The following ZNF195 variants were observed in gnomAD, a reference collection of about 807,000 sequenced individuals.
The protein encoded by ZNF195 is zinc finger protein 195, also known as hypoxia-regulated factor-1.
In ZNF195, 11 loss-of-function variants were observed where a neutral mutation model predicts 19.5. That is an observed-to-expected ratio of 0.57 (90% confidence interval 0.36 to 0.94). The LOEUF (loss-of-function observed/expected upper bound fraction) is 0.94, where lower values mean the gene tolerates loss of function less well. Ranked by LOEUF, ZNF195 falls within the 40% of genes least tolerant of loss-of-function variation. ZNF195 has a pLI of 0.01. For synonymous variants in ZNF195, 214 were observed against 248.1 expected (o/e 0.86, Z 1.29); for missense variants, 582 against 709.0 (o/e 0.82, Z 2.03).
rs748212570 is a variant in ZNF195 at position 3,360,107 on chromosome 11, T to G, written c.901A>C (p.Lys301Gln). The change falls in exon 6 of 6, where the codon AAG becomes CAG. Residue 301 changes from lysine (K) to glutamine (Q), a missense_variant. Physicochemically the swap from Lys to Gln is moderately conservative, Grantham distance 53. Around this residue, in one of 3 missense-constraint regions of ZNF195, gnomAD observed 407 missense variants for 530.5 expected, o/e 0.77. Transcript: ENST00000399602. Reference protein sequence around the residue: ...ENIDTGEKPYKCQECNNVIKT... With the variant: ...ENIDTGEKPYQCQECNNVIKT... ...ATGACGTTGTTACATTCTTGACACT[T>G]GTAAGGTTTCTCTCCAGTGTCAATG... 2 of 1,614,148 alleles carry G rather than the reference T, an allele frequency of 1.2e-6. No homozygotes were observed. The highest frequency in any genetic ancestry group is 1.7e-6 in the Non-Finnish European group (2 of 1,180,028).
At chr11:3,370,885 G>C in intron 3 of ZNF195, 90 bp downstream of exon 3, 2 of 1,323,436 alleles carry the variant, frequency 1.5e-6, no homozygotes, top group Admixed American at 1.7e-5. Context: ...CACTAGGGCA[G>C]AGCTTCTCAA....
chr11:3,370,668 C>A (rs1443010734), intron 3 of ZNF195, among the ~76,000 whole-genome samples: 1 of 152,230 alleles, frequency 6.6e-6, no homozygotes, highest in Non-Finnish European at 1.5e-5. Context: ...CAGGTACAGG[C>A]ATGTTCCCAA....
At chr11:3,371,434 A>G in intron 2 of ZNF195, 143 bp downstream of exon 2, 1 of 1,080,362 alleles carries the variant, frequency 9.3e-7, no homozygotes, top group South Asian at 1.7e-5. Context: ...TTTTTTTTAC[A>G]TCAACTATTC....
chr11:3,358,942 G>T lies in ZNF195; in HGVS notation c.*176C>A, dbSNP rs997907866. ...TGCAAGTCTTCCATCTAGTATAATT[G>T]TAACATTTTTTTCAGAAGAAATACT... On this transcript the variant is annotated 3_prime_UTR_variant, in exon 6 of 6. Coordinates refer to ENST00000399602, the MANE Select transcript of ZNF195 (RefSeq NM_001130520.3). 5.7e-6 allele frequency: 5 copies of T among 882,840 alleles called. No individual in the cohort carries two copies. The highest frequency in any genetic ancestry group is 7.6e-6 in the Non-Finnish European group (5 of 656,958). The allele number at this position is 882,840 out of a possible 1,614,324, so 54.7% of individuals were successfully genotyped here.
chr11:3,373,706 T>C (rs988789197), intron 1 of ZNF195: 14 of 1,347,922 alleles, frequency 1.0e-5, no homozygotes, highest in Non-Finnish European at 1.3e-5. Flanking sequence ...CCCCTTCACC[T>C]GCTACCACCA....
rs577646179 is a variant in ZNF195 at position 3,378,976 on chromosome 11, C to T, written c.3+62G>A. 1.9e-4 allele frequency: 255 copies of T among 1,361,098 alleles called. 2 individuals carry two copies. The African/African-American group carries it at 3.4e-3, about 18-fold the overall frequency. The allele number at this position is 1,361,098 out of a possible 1,614,324, so 84.3% of individuals were successfully genotyped here. ...CCGGGCAGCCCGGTTCCTCCCGAGCCGGTACCGCGGGTTCCAGTCCGCCCC... is the reference window on the plus strand; with the variant it reads ...CCGGGCAGCCCGGTTCCTCCCGAGCTGGTACCGCGGGTTCCAGTCCGCCCC... On this transcript the variant is annotated intron_variant, in intron 1 of 5. Transcript: ENST00000399602.
intron 1 of ZNF195, chr11:3,377,705 T>C: frequency 8.8e-7 from 1 of 1,135,892 alleles, no homozygotes; most frequent in Non-Finnish European, 1.1e-6. Context: ...TACCTCAGGC[T>C]GTCCTCTGAG....
In ZNF195 at chr11:3,379,093, CG is replaced by C; in HGVS notation, c.-54del. On this transcript the variant is annotated 5_prime_UTR_variant, in exon 1 of 6. Coordinates refer to ENST00000399602, the MANE Select transcript of ZNF195 (RefSeq NM_001130520.3). ...TCACTTCTGGATCTCCCGGTGCCTGCGGGTCACACGACCTACGGCTAGCAGG... is the reference window on the plus strand; with the variant it reads ...TCACTTCTGGATCTCCCGGTGCCTGCGGTCACACGACCTACGGCTAGCAGG... 1 of 1,476,780 alleles carries C rather than the reference CG, an allele frequency of 6.8e-7. No homozygotes were observed. The highest frequency in any genetic ancestry group is 9.0e-7 in the Non-Finnish European group (1 of 1,105,156). The allele number at this position is 1,476,780 out of a possible 1,614,324, so 91.5% of individuals were successfully genotyped here. A position where few individuals can be genotyped will look rare whatever the true frequency, so the allele number is the denominator to read the frequency against.
chr11:3,368,320 C>G (rs966395095), intron 3 of ZNF195, among the ~76,000 whole-genome samples: 2 of 152,156 alleles, frequency 1.3e-5, no homozygotes, highest in Non-Finnish European at 2.9e-5. Context: ...AATGCCTTTC[C>G]AAGAGAATCA....
intron 3 of ZNF195, chr11:3,362,579 C>T (rs945954453): frequency 1.7e-6 from 1 of 597,538 alleles, no homozygotes; most frequent in Non-Finnish European, 3.0e-6. Flanking sequence ...TATATAATTT[C>T]CATGGTAACC....
intron 1 of ZNF195, 62 bp downstream of exon 1, chr11:3,378,976 C>A: frequency 7.3e-7 from 1 of 1,361,098 alleles, no homozygotes; most frequent in African/African-American, 1.5e-5. Context: ...CCTCCCGAGC[C>A]GGTACCGCGG....
chr11:3,378,526 G>A (rs1849584883), intron 1 of ZNF195, among the ~76,000 whole-genome samples: 2 of 152,160 alleles, frequency 1.3e-5, no homozygotes, highest in East Asian at 1.9e-4. Flanking sequence ...AGGAGATGAC[G>A]TAACTGTACC....
intron 3 of ZNF195, chr11:3,363,357 C>G (rs904092649): frequency 6.6e-6 from 1 of 152,102 alleles, no homozygotes; most frequent in Non-Finnish European, 1.5e-5. Flanking sequence ...ACACTCTTCC[C>G]AAGAGCTCAG....
chr11:3,373,632 G>C (rs981523708), intron 1 of ZNF195: 145 of 1,549,302 alleles, frequency 9.4e-5, no homozygotes, highest in Admixed American at 1.6e-4. Context: ...TTCCTCTTAG[G>C]AAAGATTCTC....
intron 3 of ZNF195, chr11:3,369,629 C>G (rs141098880): frequency 3.4e-4 from 105 of 313,294 alleles, no homozygotes; most frequent in African/African-American, 2.2e-3. Flanking sequence ...ATAAACTCAG[C>G]CAGGCCCCAA....
Position 3,359,479 on chromosome 11 carries a change from G to C in ZNF195, c.1529C>G (p.Thr510Ser), listed in dbSNP as rs1327336641. Residue 510 changes from threonine to serine, a missense_variant, in exon 6 of 6, where the codon ACT becomes AGT. Coordinates refer to ENST00000399602, the MANE Select transcript of ZNF195 (RefSeq NM_001130520.3). This position sits in a 1 kb window ranked among gnomAD's most constrained non-coding sequence, Gnocchi z 5.5. ...GNIFKQLSDL[T>S]KHKKTHTGEK... ...TCCAGTATGGGTTTTCTTATGCTTAGTGAGGTCTGATAACTGCTTAAAGAT... is the reference window on the plus strand; with the variant it reads ...TCCAGTATGGGTTTTCTTATGCTTACTGAGGTCTGATAACTGCTTAAAGAT... The C allele has an allele frequency of 1.2e-6, 2 of 1,614,212 alleles. No homozygotes were observed. The highest frequency in any genetic ancestry group is 3.3e-5 in the Admixed American group (2 of 60,028).
At chr11:3,373,521 C>T in intron 1 of ZNF195, 1 of 1,396,116 alleles carries the variant, frequency 7.2e-7, no homozygotes, top group South Asian at 1.2e-5. Context: ...AAATTCTAAA[C>T]ACATGACATT....
Position 3,360,830 on chromosome 11 carries a change from C to A in ZNF195, c.374-42G>T, listed in dbSNP as rs770137999. 3.2e-5 allele frequency: 49 copies of A among 1,528,472 alleles called. No homozygotes were observed. In the South Asian group the frequency reaches 4.8e-4, roughly 15 times the overall value. The allele number at this position is 1,528,472 out of a possible 1,614,324, so 94.7% of individuals were successfully genotyped here. ...AAGAAAAACAGTCTGTTACGTTTAC[C>A]CACTGCAGCCCCCGCTCCTCCGCAG... On this transcript the variant is annotated intron_variant, in intron 4 of 5. Transcript: ENST00000399602.
In ZNF195 at chr11:3,368,077, AAAAC is replaced by A. The variant is rs111331503; in HGVS notation, c.226+2894_226+2897del. Among the ~76,000 whole-genome samples the A allele has an allele frequency of 1.1e-3, 173 of 150,956 alleles. 3 individuals are homozygous for A. In the East Asian group the frequency reaches 0.023, roughly 20 times the overall value. Reference sequence around the variant, plus strand: ...GGTAACAAGAGCAAAACTCTATCTCAAAACAAACAAACAAACAAACAAATAGTGC... The same window carrying A: ...GGTAACAAGAGCAAAACTCTATCTCAAAACAAACAAACAAACAAATAGTGC... On this transcript the variant is annotated intron_variant, in intron 3 of 5. Coordinates refer to ENST00000399602, the MANE Select transcript of ZNF195 (RefSeq NM_001130520.3).
Sources: allele counts gnomAD v4.1 joint callset (sites outside exome capture counted in the v4.1 genomes callset), GRCh38; gene constraint gnomAD v4.1.1; regional missense constraint gnomAD v4.1.1; non-coding constraint Gnocchi (gnomAD v3.1); transcripts MANE v1.5; gene names NCBI Gene and HGNC (gene_info 2026-07-23, HGNC 2026-07-21).